MSH3: variants seen among roughly 807,000 people sequenced by gnomAD.
MSH3 encodes the protein mutS homolog 3, also known as DNA mismatch repair protein Msh3.
In MSH3, 106 loss-of-function variants were observed where a neutral mutation model predicts 123.3. That is an observed-to-expected ratio of 0.86 (90% CI 0.73 to 1.01). The LOEUF is 1.01. MSH3 is among the 50% of genes least tolerant of loss of function. The pLI is 0.00. For missense variants in MSH3, 1,459 were observed against 1,347.6 expected (o/e 1.08, Z -1.29); for synonymous variants, 515 against 481.4 (o/e 1.07, Z -0.91).
intron 8 of MSH3, among the ~76,000 whole-genome samples, chr5:80,692,566 A>G (rs1253311779): frequency 7.2e-6 from 1 of 138,996 alleles, no homozygotes; most frequent in Non-Finnish European, 1.6e-5. Flanking sequence ...ATAAACATGT[A>G]TATGTTTATA....
At chr5:80,814,646 T>A (rs762764454) in intron 20 of MSH3, among the ~76,000 whole-genome samples, 28 of 152,232 alleles carry the variant, frequency 1.8e-4, no homozygotes, top group Non-Finnish European at 3.8e-4. Flanking sequence ...CTCTGTCTTC[T>A]GGGGTAGAAG....
At chr5:80,734,805 C>G (rs148748580) in intron 10 of MSH3, among the ~76,000 whole-genome samples, 1 of 152,258 alleles carries the variant, frequency 6.6e-6, no homozygotes, top group East Asian at 1.9e-4. Flanking sequence ...GGCATTCTGT[C>G]TCACAAATTC....
At position 80,654,913 on chromosome 5, in the gene MSH3, G is replaced by A. The variant is rs1561429048; in HGVS notation, c.186G>A (p.Ala62=). 2 of 1,499,596 alleles carry A rather than the reference G, an allele frequency of 1.3e-6. No individual in the cohort carries two copies. The highest frequency in any genetic ancestry group is 1.8e-6 in the Non-Finnish European group (2 of 1,131,982). 92.9% of individuals were successfully genotyped at this position (1,499,596 alleles called of 1,614,324 possible). A position where few individuals can be genotyped will look rare whatever the true frequency, so the allele number is the denominator to read the frequency against. The change falls in exon 1 of 24, where the codon GCG becomes GCA. Residue 62 remains alanine (A), a synonymous_variant. Transcript: ENST00000265081. The stretch of plus-strand genomic sequence containing the variant: ...CTGCAGCGGCCGCAGCGGCCGCAGC[G>A]CCCCCAGCGCCCCCAGCTCCCGCCT... ...AAAAAAAAAA[A]PPAPPAPAFP... is the part of the protein sequence containing the mutation.
intron 20 of MSH3, among the ~76,000 whole-genome samples, chr5:80,818,932 G>A (rs986018593): frequency 1.3e-5 from 2 of 152,176 alleles, no homozygotes; most frequent in African/African-American, 4.8e-5. Context: ...AAAGAGATAA[G>A]ATCCCTCGTG....
rs545773817 is a variant in MSH3 at position 80,860,579 on chromosome 5, T to C, written c.3001-4234T>C. ...AAGGTGTTTCTTCCCTCTGGCTTAC[T>C]TCAGTATTTTTTTTTTCTTTATCTT... On this transcript the variant is annotated intron_variant, in intron 21 of 23. Transcript: ENST00000265081. 5.3e-5 allele frequency among the ~76,000 whole-genome samples: 8 copies of C among 152,072 alleles called. No homozygotes were observed. In the South Asian group the frequency reaches 1.2e-3, roughly 24 times the overall value.
intron 20 of MSH3, among the ~76,000 whole-genome samples, chr5:80,846,855 G>A (rs535853651): frequency 6.3e-4 from 96 of 152,216 alleles, no homozygotes; most frequent in Non-Finnish European, 9.7e-4. Flanking sequence ...GAAATCCCCC[G>A]TCCCCTTGCA....
chr5:80,794,590 T>C (rs1046744376), intron 19 of MSH3, among the ~76,000 whole-genome samples: 1 of 152,136 alleles, frequency 6.6e-6, no homozygotes, highest in African/African-American at 2.4e-5. Flanking sequence ...CTTTCAGATA[T>C]CAAATGTGCT....
intron 20 of MSH3, among the ~76,000 whole-genome samples, chr5:80,831,807 T>C (rs1399066487): frequency 6.6e-6 from 1 of 151,926 alleles, no homozygotes; most frequent in Non-Finnish European, 1.5e-5. Context: ...CAAAATAAAC[T>C]AACTCTTAAA....
intron 3 of MSH3, among the ~76,000 whole-genome samples, chr5:80,667,832 G>A (rs1650658): frequency 0.28 from 42,180 of 152,084 alleles, 6,091 homozygotes; most frequent in Middle Eastern, 0.35. Flanking sequence ...GAGCTCCCCA[G>A]AGGTCCACAG....
At chr5:80,658,319 A>G (rs1397817029) in intron 2 of MSH3, among the ~76,000 whole-genome samples, 3 of 152,124 alleles carry the variant, frequency 2.0e-5, no homozygotes. Context: ...TTGGCCTCCC[A>G]AAGTGCTGGG....
intron 20 of MSH3, among the ~76,000 whole-genome samples, chr5:80,838,771 C>G (rs1399968160): frequency 6.6e-6 from 1 of 152,138 alleles, no homozygotes; most frequent in Non-Finnish European, 1.5e-5. Flanking sequence ...TCTCACAGTA[C>G]TTAGTGGCTA....
chr5:80,660,651 A>G lies in MSH3; in HGVS notation c.358+4120A>G, dbSNP rs182983379. Among the ~76,000 whole-genome samples, 98 of 152,338 alleles carry G rather than the reference A, an allele frequency of 6.4e-4. 1 individual carries two copies. The Middle Eastern group carries it at 0.01, about 16-fold the overall frequency. On this transcript the variant is annotated intron_variant, in intron 2 of 23. Coordinates refer to ENST00000265081, the MANE Select transcript of MSH3 (RefSeq NM_002439.5). ...ATTCTTAGCCTTTAGCATATAAGAC[A>G]TCAAAGGTTTTTTATTTTTAATTAT...
At chr5:80,675,515 G>T (rs1749821327) in intron 7 of MSH3, among the ~76,000 whole-genome samples, 1 of 152,166 alleles carries the variant, frequency 6.6e-6, no homozygotes, top group Non-Finnish European at 1.5e-5. Context: ...TAGCAGGAGA[G>T]AGAGTGAAGG....
At chr5:80,773,576 C>A (rs1246747152) in intron 15 of MSH3, among the ~76,000 whole-genome samples, 3 of 152,046 alleles carry the variant, frequency 2.0e-5, no homozygotes, top group Admixed American at 2.0e-4. Flanking sequence ...AACTCAAGAA[C>A]CATGTTGATA....
chr5:80,693,073 ATG>A (rs1203857085), intron 8 of MSH3, among the ~76,000 whole-genome samples: 1 of 130,282 alleles, frequency 7.7e-6, no homozygotes, highest in Admixed American at 7.7e-5. Context: ...ATACATGCAC[ATG>A]TATATGTTTA....
intron 20 of MSH3, among the ~76,000 whole-genome samples, chr5:80,827,970 C>T (rs1310732642): frequency 2.0e-5 from 3 of 152,160 alleles, no homozygotes; most frequent in Admixed American, 6.5e-5. Flanking sequence ...TGTCCATCTA[C>T]ACTTACCACT....
chr5:80,723,297 G>T (rs1199074516), intron 8 of MSH3, among the ~76,000 whole-genome samples: 1 of 151,988 alleles, frequency 6.6e-6, no homozygotes, highest in South Asian at 2.1e-4. Context: ...GACTGTGGTC[G>T]TGATACAGAG....
chr5:80,699,278 G>A (rs905634992), intron 8 of MSH3, among the ~76,000 whole-genome samples: 1 of 152,126 alleles, frequency 6.6e-6, no homozygotes, highest in Admixed American at 6.5e-5. Flanking sequence ...TTGTTGTAAG[G>A]CTGGGCGTGG....
chr5:80,860,996 T>C (rs766388274), intron 21 of MSH3, among the ~76,000 whole-genome samples: 14 of 152,218 alleles, frequency 9.2e-5, no homozygotes, highest in South Asian at 6.2e-4. Context: ...GTGTTTTTGA[T>C]CTCTCGTTTC....
Sources: gnomAD v4.1 joint callset for allele counts (sites outside exome capture counted in the v4.1 genomes callset) on GRCh38, gnomAD v4.1.1 for gene constraint, MANE v1.5 for transcripts, NCBI Gene and HGNC (gene_info 2026-07-23, HGNC 2026-07-21) for gene names.